Variants in VEZT observed in about 807,000 individuals in gnomAD.
The protein encoded by VEZT is vezatin.
A neutral mutation model predicts 79.9 loss-of-function variants in VEZT; 39 were observed. The ratio of observed to expected loss-of-function variants is 0.49; its 90% CI spans 0.38 to 0.64. The LOEUF (loss-of-function observed/expected upper bound fraction) is 0.64, where lower values mean the gene tolerates loss of function less well. Ranked by LOEUF, VEZT falls within the 30% of genes least tolerant of loss-of-function variation. The pLI, the probability that VEZT is intolerant of heterozygous loss-of-function variation, is 0.00. For missense variants in VEZT, 837 were observed against 893.1 expected (o/e 0.94, Z 0.80); for synonymous variants, 325 against 327.6 (o/e 0.99, Z 0.09).
chr12:95,253,744 G>C (rs1350198926), intron 2 of VEZT, among the ~76,000 whole-genome samples: 1 of 152,162 alleles, frequency 6.6e-6, no homozygotes, highest in Admixed American at 6.5e-5. Context: ...TCAAGTGAGA[G>C]TTTAAAATTG....
chr12:95,225,474 G>A (rs931428773), intron 1 of VEZT, among the ~76,000 whole-genome samples: 2 of 151,922 alleles, frequency 1.3e-5, no homozygotes, highest in African/African-American at 4.8e-5. Flanking sequence ...GGAGAATGGC[G>A]TAAACCCAGG....
At chr12:95,268,478 A>C (rs1250445163) in intron 5 of VEZT, among the ~76,000 whole-genome samples, 1 of 152,196 alleles carries the variant, frequency 6.6e-6, no homozygotes, top group Non-Finnish European at 1.5e-5. Flanking sequence ...AGCCTGGACG[A>C]CAGAGCGAGA....
rs186647244 is a variant in VEZT, at chr12:95,271,779, T to C, written c.848+1591T>C. On this transcript the variant is annotated intron_variant, in intron 6 of 11. Coordinates refer to ENST00000436874, the MANE Select transcript of VEZT (RefSeq NM_017599.4). ...AGCCTATCAAAGACTACAGACTGTA[T>C]GAGTTCTTTGTGCCAGTCATTTTTC... Among the ~76,000 whole-genome samples, 33 of 152,306 alleles carry C rather than the reference T, an allele frequency of 2.2e-4. No homozygotes were observed. In the Middle Eastern group the frequency reaches 0.01, roughly 47 times the overall value.
chr12:95,279,051 C>A (rs906104488), intron 7 of VEZT, among the ~76,000 whole-genome samples: 6 of 152,166 alleles, frequency 3.9e-5, no homozygotes, highest in Admixed American at 1.3e-4. Context: ...GCCTGGGCAA[C>A]AAGAGCGAAA....
intron 11 of VEZT, 61 bp downstream of exon 11, chr12:95,296,319 C>T (rs2074125253): frequency 2.1e-6 from 3 of 1,458,016 alleles, no homozygotes; most frequent in Non-Finnish European, 2.8e-6. Flanking sequence ...CTTTCTTGAA[C>T]CATGAATGTT....
intron 1 of VEZT, among the ~76,000 whole-genome samples, chr12:95,222,776 A>T (rs1246216496): frequency 1.3e-5 from 2 of 152,206 alleles, no homozygotes; most frequent in Admixed American, 1.3e-4. Flanking sequence ...CATCTTTACA[A>T]TCAATATTGA....
At position 95,282,394 on chromosome 12, in the gene VEZT, C is replaced by T. The variant is rs569775820; in HGVS notation, c.1078C>T (p.Pro360Ser). 1.7e-5 allele frequency: 27 copies of T among 1,613,958 alleles called. No individual in the cohort carries two copies. Among genetic ancestry groups the T allele is most frequent in the Non-Finnish European group, 2.3e-5 (27 of 1,179,890 alleles). ...ATTACTTTCTACAGCCAATTCACCT[C>T]CTGGGCCCTTACTTACTCCAGCACT... ...ALLLSTANSPPGPLLTPALLP... is the reference protein window; with the variant it reads ...ALLLSTANSPSGPLLTPALLP... The change falls in exon 8 of 12, where the codon CCT (proline) becomes TCT (serine). Residue 360 changes from proline to serine, a missense_variant. By Grantham distance (74) the Pro-to-Ser change is moderately conservative. Transcript: ENST00000436874.
Position 95,232,669 on chromosome 12 carries a change from C to T in VEZT, c.36+14783C>T, listed in dbSNP as rs181426498. Among the ~76,000 whole-genome samples the T allele has an allele frequency of 2.7e-3, 411 of 152,208 alleles. 3 individuals are homozygous for T. The highest frequency in any genetic ancestry group is 3.5e-3 in the Non-Finnish European group (239 of 68,022). On this transcript the variant is annotated intron_variant, in intron 1 of 11. Transcript: ENST00000436874. ...GGCCCAAATGACATCTGACATCTGA[C>T]AATAGTTAGCATTTTGCCAAACCTG...
intron 1 of VEZT, among the ~76,000 whole-genome samples, chr12:95,232,618 C>T (rs965910237): frequency 4.6e-5 from 7 of 152,202 alleles, no homozygotes; most frequent in African/African-American, 1.7e-4. Flanking sequence ...TTTCTTGTTG[C>T]TTTTTGTGTT....
chr12:95,280,522 T>G (rs894514734), intron 7 of VEZT, among the ~76,000 whole-genome samples: 2 of 126,310 alleles, frequency 1.6e-5, no homozygotes, highest in African/African-American at 6.5e-5. Flanking sequence ...CTTTCATATG[T>G]GTACACACAC....
intron 3 of VEZT, chr12:95,258,282 G>A (rs779354316): frequency 1.1e-5 from 5 of 455,664 alleles, no homozygotes; most frequent in Non-Finnish European, 4.4e-6. Context: ...CTAGGACTGT[G>A]GTAAGGTATA....
At chr12:95,243,963 C>G (rs904983525) in intron 1 of VEZT, 3 of 455,934 alleles carry the variant, frequency 6.6e-6, no homozygotes, top group Non-Finnish European at 1.3e-5. Flanking sequence ...TTGCTAGAAG[C>G]CAGTGGCATG....
chr12:95,239,023 C>A (rs2060539399), intron 1 of VEZT, among the ~76,000 whole-genome samples: 1 of 152,010 alleles, frequency 6.6e-6, no homozygotes, highest in Admixed American at 6.6e-5. Flanking sequence ...TAGTATATTT[C>A]CATTTGTATA....
intron 3 of VEZT, among the ~76,000 whole-genome samples, chr12:95,261,143 C>T (rs1593590162): frequency 1.3e-5 from 2 of 151,988 alleles, no homozygotes; most frequent in East Asian, 3.9e-4. Context: ...CTAAAAGTGG[C>T]ATATAACCCT....
intron 11 of VEZT, 93 bp from the exon 12 acceptor site, chr12:95,300,072 T>C (rs1398363881): frequency 1.4e-5 from 10 of 693,030 alleles, no homozygotes; most frequent in Non-Finnish European, 2.1e-5. Flanking sequence ...TATTGTTCTT[T>C]TTAAGAAAAA....
intron 1 of VEZT, chr12:95,218,496 G>A (rs1269449065): frequency 6.6e-6 from 1 of 152,166 alleles, no homozygotes; most frequent in African/African-American, 2.4e-5. Context: ...CTCTAGATGT[G>A]AGTGCTTTTG....
chr12:95,245,506 G>A (rs1306016546), intron 1 of VEZT: 2 of 456,432 alleles, frequency 4.4e-6, no homozygotes, highest in African/African-American at 2.0e-5. Context: ...TTCCTGTTTT[G>A]TTTTATCCCC....
At chr12:95,247,113 A>G (rs1372304435) in intron 1 of VEZT, among the ~76,000 whole-genome samples, 1 of 152,230 alleles carries the variant, frequency 6.6e-6, no homozygotes, top group Non-Finnish European at 1.5e-5. Context: ...ATCAGGTTTT[A>G]ATACTAAGAC....
In VEZT at chr12:95,239,888, G is replaced by T. The variant is rs546032178; in HGVS notation, c.37-12052G>T. Among the ~76,000 whole-genome samples, 4 of 151,754 alleles carry T rather than the reference G, an allele frequency of 2.6e-5. No homozygotes were observed. In the South Asian group the frequency reaches 8.3e-4, roughly 32 times the overall value. ...AATCACTTGAACCTGAGAGGTGGAA[G>T]TTGCAGTGAGCTGAGATTGTGCCAC... On this transcript the variant is annotated intron_variant, in intron 1 of 11. Transcript: ENST00000436874.
Sources: allele counts gnomAD v4.1 joint callset (sites outside exome capture counted in the v4.1 genomes callset), GRCh38; gene constraint gnomAD v4.1.1; transcripts MANE v1.5; gene names NCBI Gene and HGNC (gene_info 2026-07-23, HGNC 2026-07-21).